The following TRMO variants were observed in gnomAD, a reference collection of about 807,000 sequenced individuals.
TRMO encodes tRNA methyltransferase O.
TRMO carries 30 observed loss-of-function variants against 37.2 expected under a neutral mutation model. The ratio of observed to expected loss-of-function variants is 0.81; its 90% confidence interval spans 0.60 to 1.09. The LOEUF is 1.09. Among genes scored for constraint, TRMO ranks in the 50% least tolerant of loss-of-function variants. The pLI, the probability that TRMO is intolerant of heterozygous loss-of-function variation, is 0.00. For missense variants in TRMO, 552 were observed against 549.5 expected, an observed-to-expected ratio of 1.00 and a Z score of -0.05; for synonymous variants, 239 against 199.4, an observed-to-expected ratio of 1.20 and a Z score of -1.67.
At chr9:97,916,705 CTTTTTTTTTT>C (rs555924368) in intron 1 of TRMO, among the ~76,000 whole-genome samples, 2 of 124,604 alleles carry the variant, frequency 1.6e-5, no homozygotes, top group African/African-American at 2.9e-5. Context: ...GTATTTCTTT[CTTTTTTTTTT>C]TTTTTTTTGA....
rs1451571939 is a variant in TRMO at position 97,922,439 on chromosome 9, C to T, written c.55G>A (p.Val19Ile). 3 of 1,586,222 alleles carry T rather than the reference C, an allele frequency of 1.9e-6. No homozygotes were observed. Among genetic ancestry groups the T allele is most frequent in the Admixed American group, 1.8e-5 (1 of 55,276 alleles). ...TTACCTGTCTCCAGAGCCGGCTTAA[C>T]GCAGCCGCACGGGGTCGCTGTAGGC... ...PRPTATPCGC[V>I]KPALETGNLL... is the part of the protein sequence containing the mutation. Residue 19 changes from valine to isoleucine, a missense_variant, in exon 1 of 5, where the codon GTT (valine) becomes ATT (isoleucine). Transcript: ENST00000375119.
chr9:97,917,496 A>C (rs1268718250), intron 1 of TRMO, among the ~76,000 whole-genome samples: 1 of 152,224 alleles, frequency 6.6e-6, no homozygotes, highest in Non-Finnish European at 1.5e-5. Flanking sequence ...TTCATGTTGC[A>C]TAGAAGAAAA....
intron 2 of TRMO, among the ~76,000 whole-genome samples, chr9:97,915,240 C>A (rs1214998535): frequency 6.6e-6 from 1 of 152,118 alleles, no homozygotes; most frequent in African/African-American, 2.4e-5. Context: ...CTTAAAGTAT[C>A]CAGATTTCTA....
At chr9:97,905,413 G>T (rs1825814958) in intron 4 of TRMO, among the ~76,000 whole-genome samples, 1 of 152,038 alleles carries the variant, frequency 6.6e-6, no homozygotes, top group Admixed American at 6.6e-5. Context: ...ACAAGAAAGA[G>T]AACTAAACCC....
intron 3 of TRMO, chr9:97,910,827 C>T: frequency 1.6e-6 from 1 of 616,460 alleles, no homozygotes; most frequent in Non-Finnish European, 2.9e-6. Flanking sequence ...CTTTGAGGCC[C>T]TCAAAAGCAC....
intron 4 of TRMO, among the ~76,000 whole-genome samples, chr9:97,905,636 A>C (rs1292433480): frequency 6.6e-6 from 1 of 152,192 alleles, no homozygotes; most frequent in Non-Finnish European, 1.5e-5. Flanking sequence ...AGTAACTGTG[A>C]CCTAGTTTTT....
intron 1 of TRMO, among the ~76,000 whole-genome samples, chr9:97,917,799 C>T (rs1032879123): frequency 6.6e-6 from 1 of 151,544 alleles, no homozygotes. Context: ...GTGCCTCAGT[C>T]TCCCAAGTAG....
chr9:97,919,642 G>A (rs1052574272), intron 1 of TRMO, among the ~76,000 whole-genome samples: 1 of 152,118 alleles, frequency 6.6e-6, no homozygotes, highest in African/African-American at 2.4e-5. Flanking sequence ...AAAGACTTCT[G>A]CCCTTGACTC....
At chr9:97,906,343 C>A (rs1449481282) in intron 4 of TRMO, among the ~76,000 whole-genome samples, 1 of 152,096 alleles carries the variant, frequency 6.6e-6, no homozygotes, top group East Asian at 1.9e-4. Context: ...TCCCCCAATT[C>A]CCTGCCTACT....
chr9:97,907,413 T>A (rs934215252), intron 4 of TRMO, among the ~76,000 whole-genome samples: 2 of 152,146 alleles, frequency 1.3e-5, no homozygotes, highest in African/African-American at 4.8e-5. Context: ...CTTTTTCCCA[T>A]CAGAAAAACC....
Position 97,910,099 on chromosome 9 carries a change from G to A in TRMO, c.927C>T (p.Ala309=), listed in dbSNP as rs765363438. 3.1e-6 allele frequency: 5 copies of A among 1,614,090 alleles called. No individual in the cohort carries two copies. Among genetic ancestry groups the A allele is most frequent in the Non-Finnish European group, 4.2e-6 (5 of 1,179,976 alleles). Residue 309 remains alanine, a synonymous_variant, in exon 4 of 5, where the codon GCC becomes GCT. Coordinates refer to ENST00000375119, the MANE Select transcript of TRMO (RefSeq NM_016481.5). ...CAGCCCTTCCAGCAGGGCAGTGAGG[G>A]GCCATGGGCTGTGTCTCTGCCCTGC... ...QGSRAETQPM[A]PHCPAGRADG...
chr9:97,905,731 CT>C (rs1366694250), intron 4 of TRMO, among the ~76,000 whole-genome samples: 1 of 152,194 alleles, frequency 6.6e-6, no homozygotes, highest in Non-Finnish European at 1.5e-5. Context: ...AAAATATCAT[CT>C]GTGGTGGCAG....
rs180971587 is a variant in TRMO at position 97,904,609 on chromosome 9, C to T, written c.*124G>A. The T allele has an allele frequency of 6.6e-7, 1 of 1,516,422 alleles. No individual in the cohort carries two copies. Among genetic ancestry groups the T allele is most frequent in the African/African-American group, 1.4e-5 (1 of 71,710 alleles). 93.9% of individuals were successfully genotyped at this position (1,516,422 alleles called of 1,614,324 possible). A position where few individuals can be genotyped will look rare whatever the true frequency, so the allele number is the denominator to read the frequency against. ...TTTCAAATAAACATTTTGAACAGCC[C>T]AAATCAATCAAAGCCATGAGATCAC... is the stretch of plus-strand genomic sequence containing the variant. On this transcript the variant is annotated 3_prime_UTR_variant, in exon 5 of 5. Transcript: ENST00000375119.
downstream of TRMO, among the ~76,000 whole-genome samples, chr9:97,903,833 C>G (rs1825740859): frequency 6.6e-6 from 1 of 152,204 alleles, no homozygotes; most frequent in South Asian, 2.1e-4. Context: ...GTGGCTCACA[C>G]CCGTAATCCC....
intron 1 of TRMO, among the ~76,000 whole-genome samples, chr9:97,922,213 A>G (rs1826682758): frequency 6.6e-6 from 1 of 152,216 alleles, no homozygotes; most frequent in Non-Finnish European, 1.5e-5. Flanking sequence ...GTCTTATAAC[A>G]AAGCGGAACA....
chr9:97,904,210 TATAC>T (rs1300198607), downstream of TRMO, among the ~76,000 whole-genome samples: 2 of 152,296 alleles, frequency 1.3e-5, no homozygotes, highest in Admixed American at 6.5e-5. Flanking sequence ...ATTAAATATA[TATAC>T]ATATATATAT....
intron 1 of TRMO, among the ~76,000 whole-genome samples, chr9:97,918,695 G>A (rs546095235): frequency 4.6e-5 from 7 of 152,102 alleles, no homozygotes; most frequent in Admixed American, 4.6e-4. Context: ...TACTTTATTT[G>A]ATATATATAA....
chr9:97,910,032 CCT>C lies in TRMO; in HGVS notation c.992_993del (p.Glu331GlyfsTer32), dbSNP rs1156379710. ...CGCACTTCTAAAGTGGCCACAGGAGCCTCTGTCACCCAGGCAGGAACCACGCT... is the reference window on the plus strand; with the variant it reads ...CGCACTTCTAAAGTGGCCACAGGAGCCTGTCACCCAGGCAGGAACCACGCT... ...PRSVVPAWVT[E>X]APVATLEVRF... On this transcript the variant is annotated frameshift_variant, in exon 4 of 5. Transcript: ENST00000375119. LOFTEE classifies it high-confidence loss of function. The C allele has an allele frequency of 3.7e-6, 6 of 1,607,416 alleles. No homozygotes were observed. The South Asian group carries it at 6.6e-5, about 18-fold the overall frequency.
chr9:97,907,192 G>A (rs1433489608), intron 4 of TRMO, among the ~76,000 whole-genome samples: 1 of 152,204 alleles, frequency 6.6e-6, no homozygotes, highest in Non-Finnish European at 1.5e-5. Context: ...GAAGTGCAGG[G>A]GGTGCCCTGC....
Sources: gnomAD v4.1 joint callset for allele counts (sites outside exome capture counted in the v4.1 genomes callset) on GRCh38, gnomAD v4.1.1 for gene constraint, MANE v1.5 for transcripts, NCBI Gene and HGNC (gene_info 2026-07-23, HGNC 2026-07-21) for gene names.